Variants in AGO3 observed in about 807,000 individuals in gnomAD.
AGO3 encodes the protein protein argonaute-3.
In AGO3, 16 loss-of-function variants were observed where a neutral mutation model predicts 105.5. The observed-to-expected ratio is 0.15, with a 90% CI of 0.10 to 0.23. The LOEUF (loss-of-function observed/expected upper bound fraction) is 0.23, where lower values mean the gene tolerates loss of function less well. Ranked by LOEUF, AGO3 falls within the 10% of genes least tolerant of loss-of-function variation. The pLI is 1.00. For synonymous variants in AGO3, 340 were observed against 367.3 expected, an observed-to-expected ratio of 0.93 and a Z score of 0.85; for missense variants, 534 against 1,088.0, an observed-to-expected ratio of 0.49 and a Z score of 7.16.
intron 16 of AGO3, among the ~76,000 whole-genome samples, chr1:36,042,422 G>A (rs1265271613): frequency 6.6e-6 from 1 of 152,160 alleles, no homozygotes; most frequent in East Asian, 1.9e-4. Context: ...AGATTTACGT[G>A]TTGCTAATTT....
In AGO3 at chr1:36,014,044, T is replaced by C. The variant is rs368638136; in HGVS notation, c.1402T>C (p.Leu468=). The C allele has an allele frequency of 4.3e-6, 7 of 1,614,046 alleles. No homozygotes were observed. In the African/African-American group the frequency reaches 6.7e-5, roughly 15 times the overall value. ...ACAGAGGCAGTGCAGAGAAGAAATA[T>C]TGAAGTAAGACATGTCATTACCTTG... The part of the protein sequence containing the change: ...ATQRQCREEI[L]KGFTDQLRKI... Residue 468 remains leucine, a synonymous_variant, in exon 11 of 19, where the codon TTG becomes CTG. Coordinates refer to ENST00000373191, the MANE Select transcript of AGO3 (RefSeq NM_024852.4).
chr1:36,030,504 C>CAAAA (rs547766292), intron 12 of AGO3, among the ~76,000 whole-genome samples: 3 of 70,446 alleles, frequency 4.3e-5, no homozygotes, highest in African/African-American at 5.2e-5. Context: ...GACCCTTTCT[C>CAAAA]AAAAAAAAAA....
chr1:36,020,163 G>A (rs115932679), intron 11 of AGO3, among the ~76,000 whole-genome samples: 2,326 of 152,216 alleles, frequency 0.015, 50 homozygotes, highest in African/African-American at 0.053. Flanking sequence ...CAGGCAGCCG[G>A]CTGTCCAGTC....
rs771632440 is a variant in AGO3 at position 35,973,405 on chromosome 1, C to A, written c.552C>A (p.Ser184=). The change falls in exon 5 of 19, where the codon TCC becomes TCA. Residue 184 remains serine (S), a synonymous_variant. Coordinates refer to ENST00000373191, the MANE Select transcript of AGO3 (RefSeq NM_024852.4). ...CACCTGTGGGGCGTTCATTTTTCTC[C>A]GCTCCAGAAGGATATGACCACCCTC... ...KYTPVGRSFF[S]APEGYDHPLG... The A allele has an allele frequency of 1.3e-6, 2 of 1,583,106 alleles. No individual in the cohort carries two copies. Among genetic ancestry groups the A allele is most frequent in the Non-Finnish European group, 1.7e-6 (2 of 1,161,160 alleles).
intron 9 of AGO3, among the ~76,000 whole-genome samples, chr1:36,012,100 C>T (rs1031577965): frequency 7.9e-5 from 12 of 151,884 alleles, no homozygotes; most frequent in African/African-American, 1.9e-4. Flanking sequence ...TTTGGGAGGC[C>T]GAGGCAGGAC....
At chr1:35,952,758 G>GTA (rs972450171) in intron 2 of AGO3, among the ~76,000 whole-genome samples, 4 of 152,128 alleles carry the variant, frequency 2.6e-5, no homozygotes, top group Admixed American at 1.3e-4. Flanking sequence ...GCTTAGATGT[G>GTA]TATATGGCTT....
intron 1 of AGO3, among the ~76,000 whole-genome samples, chr1:35,933,743 A>T (rs1646098750): frequency 6.7e-6 from 1 of 148,262 alleles, no homozygotes; most frequent in Admixed American, 6.8e-5. Flanking sequence ...TTGACTCAGT[A>T]TTGAATCTTG....
At position 36,056,562 on chromosome 1, in the gene AGO3, T is replaced by TTATA. The variant is rs3075646; in HGVS notation, c.*825_*828dup. 3 of 151,882 alleles carry TTATA rather than the reference T, an allele frequency of 2.0e-5. No homozygotes were observed. Among genetic ancestry groups the TTATA allele is most frequent in the Admixed American group, 6.6e-5 (1 of 15,220 alleles). 9.4% of individuals were successfully genotyped at this position (151,882 alleles called of 1,614,324 possible). On this transcript the variant is annotated 3_prime_UTR_variant, in exon 19 of 19. Coordinates refer to ENST00000373191, the MANE Select transcript of AGO3 (RefSeq NM_024852.4). Reference sequence around the variant, plus strand: ...TATTGCTGTCTTAAGAAACAAAATTTTATATATATATGTATACATACATAC... The same window carrying TTATA: ...TATTGCTGTCTTAAGAAACAAAATTTTATATATATATATATGTATACATACATAC...
At position 36,064,220 on chromosome 1, in the gene AGO3, A is replaced by G. The variant is rs890363979; in HGVS notation, c.*8475A>G. ...CATGGCGAAACCCCGTCTCTACTAA[A>G]CATACAAAAATTAGCTGGGCATGGT... is the stretch of plus-strand genomic sequence containing the variant. On this transcript the variant is annotated 3_prime_UTR_variant, in exon 19 of 19. Coordinates refer to ENST00000373191, the MANE Select transcript of AGO3 (RefSeq NM_024852.4). 2.6e-5 allele frequency: 4 copies of G among 152,298 alleles called. No individual in the cohort carries two copies. The highest frequency in any genetic ancestry group is 4.4e-5 in the Non-Finnish European group (3 of 68,140). 9.4% of individuals were successfully genotyped at this position (152,298 alleles called of 1,614,324 possible). A position where few individuals can be genotyped will look rare whatever the true frequency, so the allele number is the denominator to read the frequency against.
chr1:35,981,167 T>A (rs1647046080), intron 5 of AGO3, among the ~76,000 whole-genome samples: 1 of 152,214 alleles, frequency 6.6e-6, no homozygotes, highest in African/African-American at 2.4e-5. Context: ...TGCTTTGTGA[T>A]GATATTGTCT....
chr1:36,017,065 G>A (rs941234189), intron 11 of AGO3, among the ~76,000 whole-genome samples: 33 of 152,196 alleles, frequency 2.2e-4, no homozygotes, highest in African/African-American at 7.7e-4. Flanking sequence ...TCATTTATAA[G>A]TATGGTGTTC....
intron 12 of AGO3, among the ~76,000 whole-genome samples, chr1:36,032,813 GA>G (rs1230773227): frequency 6.6e-6 from 1 of 151,828 alleles, no homozygotes; most frequent in Non-Finnish European, 1.5e-5. Flanking sequence ...AACATGGCAA[GA>G]CCCCATCTCT....
chr1:36,030,966 A>G (rs923987298), intron 12 of AGO3, among the ~76,000 whole-genome samples: 1 of 152,164 alleles, frequency 6.6e-6, no homozygotes, highest in Non-Finnish European at 1.5e-5. Flanking sequence ...ATACCTTGTA[A>G]CAGAATACTC....
In AGO3 at chr1:36,061,710, C is replaced by T. The variant is rs1643029089; in HGVS notation, c.*5965C>T. On this transcript the variant is annotated 3_prime_UTR_variant, in exon 19 of 19. Transcript: ENST00000373191. ...AGTAAAGCAAAGACGTTTGTCAGGG[C>T]GTAGACTCTTGAGTTAAATTTTTTA... 6.6e-6 allele frequency: 1 copy of T among 152,106 alleles called. No homozygotes were observed. Among genetic ancestry groups the T allele is most frequent in the African/African-American group, 2.4e-5 (1 of 41,430 alleles). The allele number at this position is 152,106 out of a possible 1,614,324, so 9.4% of individuals were successfully genotyped here.
At chr1:35,975,422 G>A (rs1411161164) in intron 5 of AGO3, among the ~76,000 whole-genome samples, 3 of 151,236 alleles carry the variant, frequency 2.0e-5, no homozygotes, top group African/African-American at 7.3e-5. Flanking sequence ...TGGATTTTTC[G>A]TCTTCTTATT....
At chr1:35,934,141 C>T (rs1294609147) in intron 1 of AGO3, among the ~76,000 whole-genome samples, 1 of 152,106 alleles carries the variant, frequency 6.6e-6, no homozygotes, top group Non-Finnish European at 1.5e-5. Flanking sequence ...GGTTATGTTT[C>T]AGTTCTAAAT....
chr1:36,041,811 C>G (rs1642261275), intron 16 of AGO3, among the ~76,000 whole-genome samples: 1 of 152,090 alleles, frequency 6.6e-6, no homozygotes, highest in Non-Finnish European at 1.5e-5. Context: ...ATATTAATAT[C>G]TACCTTATTT....
In AGO3 at chr1:36,062,963, A is replaced by G. The variant is rs574119358; in HGVS notation, c.*7218A>G. ...TTTTTCTATTGTGATGTTTATATTT[A>G]TTGGCAATTTGTATGCAACTTTTAT... On this transcript the variant is annotated 3_prime_UTR_variant, in exon 19 of 19. Coordinates refer to ENST00000373191, the MANE Select transcript of AGO3 (RefSeq NM_024852.4). 3 of 152,264 alleles carry G rather than the reference A, an allele frequency of 2.0e-5. No individual in the cohort carries two copies. Among genetic ancestry groups the G allele is most frequent in the African/African-American group, 7.2e-5 (3 of 41,566 alleles). The allele number at this position is 152,264 out of a possible 1,614,324, so 9.4% of individuals were successfully genotyped here.
chr1:36,001,138 G>A (rs1193617823), intron 5 of AGO3, among the ~76,000 whole-genome samples: 1 of 152,056 alleles, frequency 6.6e-6, no homozygotes, highest in Non-Finnish European at 1.5e-5. Flanking sequence ...GGAAGGCTGA[G>A]GCACGAGAAT....
Sources: gnomAD v4.1 joint callset for allele counts (sites outside exome capture counted in the v4.1 genomes callset) on GRCh38, gnomAD v4.1.1 for gene constraint, MANE v1.5 for transcripts, NCBI Gene and HGNC (gene_info 2026-07-23, HGNC 2026-07-21) for gene names.